Variants in LINC00305 observed in about 807,000 individuals in gnomAD.
LINC00305 encodes the protein long intergenic non-protein coding RNA 305.
chr18:64,104,584 G>A (rs1405529226), intron 1 of LINC00305, among the ~76,000 whole-genome samples: 1 of 152,170 alleles, frequency 6.6e-6, no homozygotes, highest in Non-Finnish European at 1.5e-5. Flanking sequence ...AGTGTGATTG[G>A]GTTCCCTGAC....
At chr18:64,095,869 T>C (rs1182056677) in intron 3 of LINC00305, among the ~76,000 whole-genome samples, 1 of 152,114 alleles carries the variant, frequency 6.6e-6, no homozygotes, top group Non-Finnish European at 1.5e-5. Flanking sequence ...TACACAAGCT[T>C]CATATAAAAG....
chr18:64,103,266 A>C (rs1461777725), intron 1 of LINC00305, among the ~76,000 whole-genome samples: 1 of 152,144 alleles, frequency 6.6e-6, no homozygotes, highest in African/African-American at 2.4e-5. Flanking sequence ...GTCTTTCTCA[A>C]ATAGTAGTCT....
chr18:64,144,808 A>T (rs1043976179), intron 1 of LINC00305, among the ~76,000 whole-genome samples: 1 of 152,178 alleles, frequency 6.6e-6, no homozygotes, highest in African/African-American at 2.4e-5. Flanking sequence ...GCAGCGCGGG[A>T]TGTGCTTCCC....
At chr18:64,117,945 C>T (rs2051345000) in intron 1 of LINC00305, among the ~76,000 whole-genome samples, 1 of 152,150 alleles carries the variant, frequency 6.6e-6, no homozygotes, top group Non-Finnish European at 1.5e-5. Flanking sequence ...CAAGCAACTT[C>T]GTTTCCCTAA....
intron 1 of LINC00305, among the ~76,000 whole-genome samples, chr18:64,136,543 T>A (rs1020351446): frequency 1.3e-5 from 2 of 152,120 alleles, no homozygotes; most frequent in Non-Finnish European, 2.9e-5. Context: ...ACCACCCCCA[T>A]AATTCAATTA....
intron 1 of LINC00305, among the ~76,000 whole-genome samples, chr18:64,111,637 C>T (rs537992428): frequency 8.5e-6 from 1 of 117,118 alleles, no homozygotes; most frequent in Non-Finnish European, 1.8e-5. Flanking sequence ...GCCCTGTTAC[C>T]GTGTATGCTG....
intron 1 of LINC00305, among the ~76,000 whole-genome samples, chr18:64,100,453 C>T (rs1039801091): frequency 6.6e-6 from 1 of 152,160 alleles, no homozygotes; most frequent in African/African-American, 2.4e-5. Context: ...AAGGGGCTTC[C>T]CAGTACAACT....
chr18:64,122,750 A>T (rs1433279664), intron 1 of LINC00305, among the ~76,000 whole-genome samples: 1 of 152,144 alleles, frequency 6.6e-6, no homozygotes, highest in Non-Finnish European at 1.5e-5. Context: ...TAGAGATTAC[A>T]TTAACTCTGT....
At chr18:64,120,545 C>T (rs949002620) in intron 1 of LINC00305, among the ~76,000 whole-genome samples, 11 of 147,140 alleles carry the variant, frequency 7.5e-5, no homozygotes, top group East Asian at 2.0e-4. Flanking sequence ...TTTGTTTTGG[C>T]GCTAACTTTC....
intron 1 of LINC00305, among the ~76,000 whole-genome samples, chr18:64,099,742 C>T (rs2850714): frequency 0.12 from 17,836 of 152,060 alleles, 1,261 homozygotes; most frequent in Non-Finnish European, 0.16. Flanking sequence ...CTGGGATCCT[C>T]GTTTCTCATT....
chr18:64,092,982 C>T (rs17785131), intron 3 of LINC00305, among the ~76,000 whole-genome samples: 1,746 of 152,296 alleles, frequency 0.011, 10 homozygotes, highest in Non-Finnish European at 0.019. Flanking sequence ...TATTATCACA[C>T]ATCCAGTAAG....
chr18:64,100,155 C>A (rs1476521861), intron 1 of LINC00305, among the ~76,000 whole-genome samples: 2 of 148,814 alleles, frequency 1.3e-5, no homozygotes, highest in Admixed American at 6.7e-5. Flanking sequence ...TTTTTTTTTT[C>A]TTCAGGGGAG....
At chr18:64,095,227 A>G (rs1490553667) in intron 3 of LINC00305, among the ~76,000 whole-genome samples, 2 of 152,132 alleles carry the variant, frequency 1.3e-5, no homozygotes, top group Non-Finnish European at 2.9e-5. Flanking sequence ...CTCCTACTCT[A>G]TTTACAGGCA....
intron 3 of LINC00305, among the ~76,000 whole-genome samples, chr18:64,096,069 T>C (rs1025459717): frequency 6.6e-6 from 1 of 152,056 alleles, no homozygotes; most frequent in Non-Finnish European, 1.5e-5. Context: ...AACTTTCCTA[T>C]ATGCTACTTA....
intron 3 of LINC00305, among the ~76,000 whole-genome samples, chr18:64,092,319 C>A (rs2051227766): frequency 6.6e-6 from 1 of 152,180 alleles, no homozygotes; most frequent in Admixed American, 6.5e-5. Context: ...TCCCAGCACT[C>A]TGGGAGGCTG....
At chr18:64,145,852 C>T (rs1055130043) in intron 1 of LINC00305, among the ~76,000 whole-genome samples, 1 of 152,078 alleles carries the variant, frequency 6.6e-6, no homozygotes, top group Admixed American at 6.6e-5. Context: ...TAATGATATA[C>T]CCTCAAAGTT....
At chr18:64,136,543 T>C (rs1020351446) in intron 1 of LINC00305, among the ~76,000 whole-genome samples, 1 of 152,120 alleles carries the variant, frequency 6.6e-6, no homozygotes, top group Non-Finnish European at 1.5e-5. Context: ...ACCACCCCCA[T>C]AATTCAATTA....
intron 1 of LINC00305, among the ~76,000 whole-genome samples, chr18:64,146,259 G>C (rs545061234): frequency 6.6e-6 from 1 of 152,268 alleles, no homozygotes; most frequent in East Asian, 1.9e-4. Context: ...TGTTTACAAA[G>C]AAAGCTAATT....
chr18:64,085,879 T>C (rs1000406026), intron 3 of LINC00305, among the ~76,000 whole-genome samples: 2 of 152,212 alleles, frequency 1.3e-5, no homozygotes, highest in African/African-American at 4.8e-5. Flanking sequence ...CATTAGCTAA[T>C]GAGGAAGCTG....
Sources: gnomAD v4.1 joint callset for allele counts (sites outside exome capture counted in the v4.1 genomes callset) on GRCh38, gnomAD v4.1.1 for gene constraint, MANE v1.5 for transcripts, NCBI Gene and HGNC (gene_info 2026-07-23, HGNC 2026-07-21) for gene names.